Variants in LMTK3 observed in about 807,000 individuals in gnomAD.
The protein encoded by LMTK3 is serine/threonine-protein kinase LMTK3.
Under a neutral mutation model 116.7 loss-of-function variants are expected in LMTK3, and 27 were observed. The observed-to-expected ratio is 0.23, with a 90% CI of 0.17 to 0.32. LMTK3 has a LOEUF of 0.32. LMTK3 is among the 10% of genes least tolerant of loss of function. LMTK3 has a pLI of 1.00. For synonymous variants in LMTK3, 965 were observed against 971.0 expected, an observed-to-expected ratio of 0.99 and a Z score of 0.11; for missense variants, 1,764 against 2,068.5, an observed-to-expected ratio of 0.85 and a Z score of 2.86.
chr19:48,512,907 A>G (rs1219818355), upstream of LMTK3, among the ~76,000 whole-genome samples: 2 of 152,238 alleles, frequency 1.3e-5, no homozygotes, highest in East Asian at 3.8e-4. Context: ...ATAGGCACAC[A>G]GATCAAATAC....
Position 48,491,202 on chromosome 19 carries a change from AG to A in LMTK3, c.4271del (p.Pro1424LeufsTer60). On this transcript the variant is annotated frameshift_variant, in exon 14 of 15. Transcript: ENST00000600059. LOFTEE classifies it high-confidence loss of function. The surrounding 1 kb of genome is among the most constrained non-coding windows in gnomAD (Gnocchi z 5.1). ...GGGAGAAGCACAGCGGGGGGCCTGGAGGGGGGAGGAGGGGGAAATCCTCCGC... is the reference window on the plus strand; with the variant it reads ...GGGAGAAGCACAGCGGGGGGCCTGGAGGGGGAGGAGGGGGAAATCCTCCGC... ...EWAEDFPLLPPPGPPLCFSRF... is the reference protein window; with the variant it reads ...EWAEDFPLLPXPGPPLCFSRF... The A allele has an allele frequency of 6.8e-6, 7 of 1,034,202 alleles. No individual in the cohort carries two copies. In the South Asian group the frequency reaches 1.1e-4, roughly 16 times the overall value. The allele number at this position is 1,034,202 out of a possible 1,614,324, so 64.1% of individuals were successfully genotyped here. A position where few individuals can be genotyped will look rare whatever the true frequency, so the allele number is the denominator to read the frequency against.
intron 2 of LMTK3, 122 bp from the exon 3 acceptor site, chr19:48,510,295 C>A: frequency 7.1e-7 from 1 of 1,408,722 alleles, no homozygotes; most frequent in Admixed American, 2.4e-5. Flanking sequence ...AGCCCAATTT[C>A]CATCCCCCAT....
chr19:48,511,501 C>T lies in LMTK3; in HGVS notation c.76G>A (p.Asp26Asn). 3 of 1,375,348 alleles carry T rather than the reference C, an allele frequency of 2.2e-6. No homozygotes were observed. Among genetic ancestry groups the T allele is most frequent in the Non-Finnish European group, 9.5e-7 (1 of 1,050,662 alleles). 85.2% of individuals were successfully genotyped at this position (1,375,348 alleles called of 1,614,324 possible). A position where few individuals can be genotyped will look rare whatever the true frequency, so the allele number is the denominator to read the frequency against. ...CAGACTGATGGCCCGACAGACTCAC[C>T]GGGGTGGGCCGGGGACGCCAGGCAG... ...SGCLASPAHP[D>N]GFALGRAPLA... Residue 26 changes from aspartate to asparagine, a missense_variant and splice_region_variant, in exon 1 of 15, where the codon GAT becomes AAT. Coordinates refer to ENST00000600059, the MANE Select transcript of LMTK3 (RefSeq NM_001388485.1).
chr19:48,510,062 C>T lies in LMTK3; in HGVS notation c.322G>A (p.Val108Ile). ...TGCGGGGCAGGCATTGGCAGGGAGACCTCAGCCAGCGGGAGAATGTAGACA... is the reference window on the plus strand; with the variant it reads ...TGCGGGGCAGGCATTGGCAGGGAGATCTCAGCCAGCGGGAGAATGTAGACA... ...PDVYILPLAE[V>I]SLPMPAPQPS... is the part of the protein sequence containing the mutation. The change falls in exon 3 of 15, where the codon GTC becomes ATC. Residue 108 changes from valine to isoleucine, a missense_variant. Val to Ile is a conservative substitution (Grantham distance 29). Around this residue, in one of 7 missense-constraint regions of LMTK3, gnomAD observed 271 missense variants for 478.2 expected, o/e 0.57. Transcript: ENST00000600059. 6.2e-7 allele frequency: 1 copy of T among 1,613,946 alleles called. No individual in the cohort carries two copies. Among genetic ancestry groups the T allele is most frequent in the African/African-American group, 1.3e-5 (1 of 75,046 alleles).
chr19:48,501,248 G>T (rs963826954), intron 9 of LMTK3, 35 bp downstream of exon 9: 2 of 1,610,950 alleles, frequency 1.2e-6, no homozygotes, highest in Admixed American at 3.3e-5. Flanking sequence ...CCACCTTCCT[G>T]GCCTGCCTCG....
intron 5 of LMTK3, among the ~76,000 whole-genome samples, chr19:48,506,521 G>A (rs760565981): frequency 2.4e-4 from 37 of 152,150 alleles, no homozygotes; most frequent in African/African-American, 3.6e-4. Flanking sequence ...GGGGCCTGGC[G>A]GGAGGCAGAG....
intron 5 of LMTK3, among the ~76,000 whole-genome samples, chr19:48,503,408 A>C (rs1972506772): frequency 6.8e-6 from 1 of 146,520 alleles, no homozygotes; most frequent in African/African-American, 2.5e-5. Flanking sequence ...ACCACACCCC[A>C]CTCCTTCCCC....
chr19:48,492,311 C>T (rs183050544), intron 12 of LMTK3, among the ~76,000 whole-genome samples: 8 of 152,328 alleles, frequency 5.3e-5, no homozygotes, highest in African/African-American at 1.2e-4. Context: ...ACCTGAGCCT[C>T]CTAAGTAGCT....
intron 14 of LMTK3, among the ~76,000 whole-genome samples, chr19:48,489,107 GT>G (rs1972175507): frequency 6.6e-6 from 1 of 152,210 alleles, no homozygotes; most frequent in African/African-American, 2.4e-5. Flanking sequence ...GCAAGCCTGA[GT>G]TTGCAGTTCT....
At position 48,498,769 on chromosome 19, in the gene LMTK3, G is replaced by A. The variant is rs1440231062; in HGVS notation, c.2300C>T (p.Ala767Val). The A allele has an allele frequency of 1.2e-5, 17 of 1,449,320 alleles. No individual in the cohort carries two copies. The highest frequency in any genetic ancestry group is 2.8e-5 in the East Asian group (1 of 35,930). The allele number at this position is 1,449,320 out of a possible 1,614,324, so 89.8% of individuals were successfully genotyped here. ...GGCCGAAGGGGGGTCGGGGGACGCG[G>A]CCGGGTCCGCGGGGGCCCGAGGAGG... ...PPPPRAPADP[A>V]ASPDPPSAVA... Residue 767 changes from alanine to valine, a missense_variant, in exon 11 of 15, where the codon GCC becomes GTC. Ala to Val is a moderately conservative substitution (Grantham distance 64). Coordinates refer to ENST00000600059, the MANE Select transcript of LMTK3 (RefSeq NM_001388485.1).
intron 7 of LMTK3, 86 bp downstream of exon 7, chr19:48,502,347 G>T: frequency 6.9e-7 from 1 of 1,439,302 alleles, no homozygotes; most frequent in Non-Finnish European, 9.4e-7. Flanking sequence ...TCATGGGTCC[G>T]CCCCCCCTCT....
rs1278124136 is a variant in LMTK3, at chr19:48,485,447, A to G, written c.*326T>C. The G allele has an allele frequency of 1.7e-5, 5 of 297,324 alleles. No individual in the cohort carries two copies. The highest frequency in any genetic ancestry group is 6.4e-6 in the Non-Finnish European group (1 of 156,172). 18.4% of individuals were successfully genotyped at this position (297,324 alleles called of 1,614,324 possible). On this transcript the variant is annotated 3_prime_UTR_variant, in exon 15 of 15. Transcript: ENST00000600059. ...TTGGGCCAGGAGTGGGTGAGGAGGG[A>G]CCTCCGCTGTGTCGAGGGGCTCCAG...
Position 48,509,421 on chromosome 19 carries a change from T to G in LMTK3, c.438+16A>C. 1 of 1,550,650 alleles carries G rather than the reference T, an allele frequency of 6.4e-7. No individual in the cohort carries two copies. The stretch of plus-strand genomic sequence containing the variant: ...GGGATCCATGGAGCCCTGCCTCCCC[T>G]CCCCAGCCCACTCACCTTCCCAAAC... On this transcript the variant is annotated intron_variant, in intron 4 of 14. Coordinates refer to ENST00000600059, the MANE Select transcript of LMTK3 (RefSeq NM_001388485.1).
chr19:48,505,280 AT>A (rs1317799573), intron 5 of LMTK3, among the ~76,000 whole-genome samples: 1 of 151,402 alleles, frequency 6.6e-6, no homozygotes, highest in Non-Finnish European at 1.5e-5. Context: ...TGCCTGGCTA[AT>A]TTTTATATTT....
chr19:48,511,419 C>A (rs990556999), intron 1 of LMTK3, 82 bp downstream of exon 1: 17 of 549,496 alleles, frequency 3.1e-5, no homozygotes, highest in Non-Finnish European at 4.2e-5. Context: ...GGGGCAGGAC[C>A]CGCAGACAGA....
intron 4 of LMTK3, 84 bp from the exon 5 acceptor site, chr19:48,509,053 C>T: frequency 2.3e-6 from 2 of 884,540 alleles, no homozygotes; most frequent in South Asian, 1.6e-5. Context: ...CCACACAGCT[C>T]CCAACCCCCG....
In LMTK3 at chr19:48,494,360, C is replaced by T. The variant is rs142523912; in HGVS notation, c.3677-251G>A. Among the ~76,000 whole-genome samples the T allele has an allele frequency of 2.0e-5, 3 of 152,362 alleles. No individual in the cohort carries two copies. The highest frequency in any genetic ancestry group is 4.4e-5 in the Non-Finnish European group (3 of 68,036). On this transcript the variant is annotated intron_variant, in intron 11 of 14. Coordinates refer to ENST00000600059, the MANE Select transcript of LMTK3 (RefSeq NM_001388485.1). This position sits in a 1 kb window ranked among gnomAD's most constrained non-coding sequence, Gnocchi z 4.0. ...TCCCACAGCCCACCAGGCCCTCATG[C>T]CCTGGCCTACCTGATTTCTCTGGCC...
At chr19:48,513,626 TGGGCCGGAGCTGCGCACCCAA>T (rs1450431644), upstream of LMTK3, 1 of 194,256 alleles carries the variant, frequency 5.1e-6, no homozygotes, top group African/African-American at 2.4e-5. The surrounding 1 kb of genome is among the most constrained non-coding windows in gnomAD (Gnocchi z 5.6). Context: ...TGGGTGAGGC[TGGGCCGGAGCTGCGCACCCAA>T]GACGCAGCCT....
upstream of LMTK3, chr19:48,513,234 T>C (rs1972690707): frequency 7.0e-7 from 1 of 1,418,892 alleles, no homozygotes. This position sits in a 1 kb window ranked among gnomAD's most constrained non-coding sequence, Gnocchi z 5.6. Flanking sequence ...TTTATTCTTA[T>C]GAGTATTTAG....
Sources: gnomAD v4.1 joint callset for allele counts (sites outside exome capture counted in the v4.1 genomes callset) on GRCh38, gnomAD v4.1.1 for gene constraint, gnomAD v4.1.1 regional missense constraint, Gnocchi (gnomAD v3.1) non-coding constraint, MANE v1.5 for transcripts, NCBI Gene and HGNC (gene_info 2026-07-23, HGNC 2026-07-21) for gene names.